Variants in LINGO2 observed in about 807,000 individuals in gnomAD.
The protein encoded by LINGO2 is leucine rich repeat and Ig domain containing 2, also known as leucine-rich repeat and immunoglobulin-like domain-containing nogo receptor-interacting protein 2.
In LINGO2, 14 loss-of-function variants were observed where a neutral mutation model predicts 30.6. The ratio of observed to expected loss-of-function variants is 0.46; its 90% CI spans 0.30 to 0.72. The LOEUF (loss-of-function observed/expected upper bound fraction) is 0.72, where lower values mean the gene tolerates loss of function less well. Among genes scored for constraint, LINGO2 ranks in the 30% least tolerant of loss-of-function variants. The pLI is 0.07. For missense variants in LINGO2, 729 were observed against 751.7 expected (o/e 0.97, Z 0.35); for synonymous variants, 317 against 288.5 (o/e 1.10, Z -1.00).
the LINGO2 span, among the ~76,000 whole-genome samples, chr9:29,075,248 C>T: frequency 5.3e-5 from 8 of 152,104 alleles, no homozygotes; most frequent in Non-Finnish European, 8.8e-5. Flanking sequence ...AACTGAATTG[C>T]TCAAAGTGAT....
the LINGO2 span, among the ~76,000 whole-genome samples, chr9:28,972,043 A>G: frequency 6.6e-6 from 1 of 152,262 alleles, no homozygotes; most frequent in Non-Finnish European, 1.5e-5. Flanking sequence ...TTGGAAGACC[A>G]TCAAAGCAGT....
chr9:28,682,045 G>A, the LINGO2 span, among the ~76,000 whole-genome samples: 3 of 152,124 alleles, frequency 2.0e-5, no homozygotes, highest in Admixed American at 1.3e-4. Flanking sequence ...ATCCTACATA[G>A]TAAGTGTTTT....
intron 4 of LINGO2, among the ~76,000 whole-genome samples, chr9:28,161,203 G>A (rs531322601): frequency 6.6e-6 from 1 of 152,186 alleles, no homozygotes; most frequent in African/African-American, 2.4e-5. Flanking sequence ...TGATACCGGT[G>A]GTCAGTAAGA....
intron 5 of LINGO2, among the ~76,000 whole-genome samples, chr9:28,002,265 ATT>A (rs60874187): frequency 1.7e-4 from 25 of 149,802 alleles, no homozygotes; most frequent in Non-Finnish European, 2.4e-4. Flanking sequence ...CCTTCCCTCC[ATT>A]TTTTTTTTGT....
At chr9:28,978,220 T>A in the LINGO2 span, among the ~76,000 whole-genome samples, 1 of 152,144 alleles carries the variant, frequency 6.6e-6, no homozygotes, top group African/African-American at 2.4e-5. Context: ...GATTGTCAAA[T>A]ATTAGAATGA....
exon 6 of LINGO2, chr9:27,950,014 C>A: frequency 1.9e-6 from 3 of 1,614,040 alleles, no homozygotes; most frequent in Non-Finnish European, 1.7e-6. Flanking sequence ...CTTTTAAAGG[C>A]ATACACAGGC....
chr9:28,601,398 A>C (rs1364097663), intron 1 of LINGO2, among the ~76,000 whole-genome samples: 1 of 152,148 alleles, frequency 6.6e-6, no homozygotes, highest in Non-Finnish European at 1.5e-5. Context: ...AACTTTGGCC[A>C]AGTTGATTTA....
chr9:28,385,862 G>C (rs1050498762), intron 2 of LINGO2, among the ~76,000 whole-genome samples: 3 of 152,078 alleles, frequency 2.0e-5, no homozygotes, highest in Non-Finnish European at 2.9e-5. Context: ...AGGGAAGCTG[G>C]TATATCCTTG....
chr9:28,042,303 A>T (rs956503164), intron 4 of LINGO2, among the ~76,000 whole-genome samples: 1 of 152,142 alleles, frequency 6.6e-6, no homozygotes, highest in African/African-American at 2.4e-5. Context: ...TCACCCCTAC[A>T]ACTTGCTCCC....
the LINGO2 span, among the ~76,000 whole-genome samples, chr9:29,141,663 T>G: frequency 6.6e-6 from 1 of 151,778 alleles, no homozygotes; most frequent in Non-Finnish European, 1.5e-5. Context: ...GATAATCTCT[T>G]TAGATTTAAG....
chr9:28,484,153 T>C lies in LINGO2; in HGVS notation c.-364-8128A>G, dbSNP rs77578039. Among the ~76,000 whole-genome samples, 926 of 152,182 alleles carry C rather than the reference T, an allele frequency of 6.1e-3. 53 individuals are homozygous for C. In the East Asian group the frequency reaches 0.12, roughly 19 times the overall value. On this transcript the variant is annotated intron_variant, in intron 1 of 5. Coordinates refer to ENST00000379992, the Ensembl canonical transcript of LINGO2. Reference sequence around the variant, plus strand: ...GCTGATGAGGTTTGACTATCATCCATTGGGAATAGCCTAATGACTCACATA... The same window carrying C: ...GCTGATGAGGTTTGACTATCATCCACTGGGAATAGCCTAATGACTCACATA...
chr9:28,606,450 T>C (rs1026017104), intron 1 of LINGO2, among the ~76,000 whole-genome samples: 1 of 152,012 alleles, frequency 6.6e-6, no homozygotes, highest in Non-Finnish European at 1.5e-5. Flanking sequence ...GAAAGTAATA[T>C]AGATATAATA....
intron 2 of LINGO2, among the ~76,000 whole-genome samples, chr9:28,414,362 T>C (rs930213812): frequency 2.0e-5 from 3 of 152,066 alleles, no homozygotes; most frequent in African/African-American, 7.2e-5. Flanking sequence ...TGTAAATATA[T>C]AAAATATATT....
chr9:28,371,654 C>G (rs1030254463), intron 3 of LINGO2, among the ~76,000 whole-genome samples: 13 of 152,122 alleles, frequency 8.5e-5, no homozygotes, highest in African/African-American at 2.9e-4. Context: ...TACGCTGTAC[C>G]TTTATCCAAG....
rs1195815458 is a variant in LINGO2, at chr9:28,187,758, TACTA to T, written c.-87+107446_-87+107449del. Among the ~76,000 whole-genome samples the T allele has an allele frequency of 2.6e-5, 4 of 152,200 alleles. No homozygotes were observed. The East Asian group carries it at 7.7e-4, about 29-fold the overall frequency. On this transcript the variant is annotated intron_variant, in intron 4 of 5. Coordinates refer to ENST00000379992, the Ensembl canonical transcript of LINGO2. The stretch of plus-strand genomic sequence containing the variant: ...TGTGTTAGGCAAATGCATGCATACT[TACTA>T]ACTTAGACTATAGTGCATAATTGTT...
chr9:29,170,588 A>C, the LINGO2 span, among the ~76,000 whole-genome samples: 1 of 152,120 alleles, frequency 6.6e-6, no homozygotes, highest in African/African-American at 2.4e-5. Context: ...TATATCTATA[A>C]AAATTAAAAA....
the LINGO2 span, among the ~76,000 whole-genome samples, chr9:29,002,869 T>C: frequency 6.6e-6 from 1 of 151,964 alleles, no homozygotes; most frequent in African/African-American, 2.4e-5. Flanking sequence ...CCCAAAAAGA[T>C]AGGTCCAAAT....
the LINGO2 span, among the ~76,000 whole-genome samples, chr9:29,001,295 T>C: frequency 4.6e-5 from 7 of 152,094 alleles, no homozygotes; most frequent in Admixed American, 2.6e-4. Flanking sequence ...CAGTGAAAAC[T>C]AGCTTTTCCC....
At chr9:28,994,120 C>A in the LINGO2 span, among the ~76,000 whole-genome samples, 3 of 151,920 alleles carry the variant, frequency 2.0e-5, no homozygotes, top group Non-Finnish European at 4.4e-5. Context: ...TAGAAAACCC[C>A]ATTGTCTCAG....
Sources: gnomAD v4.1 joint callset for allele counts (sites outside exome capture counted in the v4.1 genomes callset) on GRCh38, gnomAD v4.1.1 for gene constraint, MANE v1.5 for transcripts, NCBI Gene and HGNC (gene_info 2026-07-23, HGNC 2026-07-21) for gene names.